Variants in CCSER1 observed in about 807,000 individuals in gnomAD.
CCSER1 encodes coiled-coil serine rich protein 1, also known as serine-rich coiled-coil domain-containing protein 1.
A neutral mutation model predicts 82.0 loss-of-function variants in CCSER1; 41 were observed. That is an observed-to-expected ratio of 0.50 (90% CI 0.39 to 0.65). The LOEUF (loss-of-function observed/expected upper bound fraction) is 0.65. Ranked by LOEUF, CCSER1 falls within the 30% of genes least tolerant of loss-of-function variation. The pLI, the probability that CCSER1 is intolerant of heterozygous loss-of-function variation, is 0.00. For missense variants in CCSER1, 1,119 were observed against 1,064.2 expected (o/e 1.05, Z -0.72); for synonymous variants, 414 against 383.9 (o/e 1.08, Z -0.92).
chr4:90,733,164 C>G (rs1745050083), intron 7 of CCSER1, among the ~76,000 whole-genome samples: 1 of 152,160 alleles, frequency 6.6e-6, no homozygotes, highest in Non-Finnish European at 1.5e-5. Flanking sequence ...TATGAAGGTT[C>G]CCTTCTCTTC....
chr4:90,425,852 T>C (rs376654959), intron 4 of CCSER1, among the ~76,000 whole-genome samples: 3 of 152,170 alleles, frequency 2.0e-5, no homozygotes, highest in African/African-American at 7.2e-5. Context: ...GAAGATTTAC[T>C]GTAGGCCCTA....
At chr4:90,429,675 A>T (rs906529735) in intron 4 of CCSER1, among the ~76,000 whole-genome samples, 2 of 151,844 alleles carry the variant, frequency 1.3e-5, no homozygotes, top group African/African-American at 2.4e-5. Context: ...AAGTGACATA[A>T]GCAGACAAAG....
intron 9 of CCSER1, among the ~76,000 whole-genome samples, chr4:91,047,928 A>C (rs1187035777): frequency 6.6e-6 from 1 of 152,242 alleles, no homozygotes; most frequent in South Asian, 2.1e-4. Flanking sequence ...AGCAATAAAC[A>C]TGTATGTGTT....
At chr4:90,230,165 T>C (rs960447957) in intron 1 of CCSER1, among the ~76,000 whole-genome samples, 2 of 152,168 alleles carry the variant, frequency 1.3e-5, no homozygotes, top group African/African-American at 4.8e-5. Context: ...CAACAGAATA[T>C]ACATTTTTTT....
chr4:90,502,959 G>A (rs75999037), intron 5 of CCSER1, among the ~76,000 whole-genome samples: 2 of 152,088 alleles, frequency 1.3e-5, no homozygotes, highest in Non-Finnish European at 1.5e-5. Context: ...TGCACAAGAT[G>A]ACTTCGGAGA....
At chr4:91,279,484 T>C (rs1312635396) in intron 10 of CCSER1, among the ~76,000 whole-genome samples, 1 of 151,834 alleles carries the variant, frequency 6.6e-6, no homozygotes, top group African/African-American at 2.4e-5. Flanking sequence ...TCAAAAGAAC[T>C]GTCTTCAAGT....
At chr4:91,355,072 T>G (rs1205855541) in intron 10 of CCSER1, among the ~76,000 whole-genome samples, 2 of 152,200 alleles carry the variant, frequency 1.3e-5, no homozygotes, top group South Asian at 2.1e-4. Context: ...CTCCCACTCA[T>G]GCAGGAGGGG....
At chr4:91,462,687 G>A (rs1043714847) in intron 10 of CCSER1, among the ~76,000 whole-genome samples, 4 of 152,182 alleles carry the variant, frequency 2.6e-5, no homozygotes, top group Middle Eastern at 3.2e-3. Flanking sequence ...AATGGTCTTA[G>A]CAAATGGCAC....
intron 10 of CCSER1, among the ~76,000 whole-genome samples, chr4:91,488,295 A>G (rs1402255266): frequency 2.6e-5 from 4 of 152,200 alleles, no homozygotes; most frequent in Non-Finnish European, 5.9e-5. Flanking sequence ...ATTTTTTAAA[A>G]TCAATTTCAA....
chr4:90,417,232 T>A (rs551024272), intron 4 of CCSER1, among the ~76,000 whole-genome samples: 11 of 152,182 alleles, frequency 7.2e-5, no homozygotes, highest in African/African-American at 2.4e-4. Flanking sequence ...AAAAAAAATT[T>A]AAAAAAACCA....
chr4:90,289,451 G>C (rs1696993025), intron 1 of CCSER1, among the ~76,000 whole-genome samples: 1 of 151,760 alleles, frequency 6.6e-6, no homozygotes, highest in Non-Finnish European at 1.5e-5. Context: ...TCTGTATAAA[G>C]TACACTTGAT....
At chr4:90,329,348 G>A (rs190527789) in intron 3 of CCSER1, among the ~76,000 whole-genome samples, 5 of 152,186 alleles carry the variant, frequency 3.3e-5, no homozygotes, top group Admixed American at 6.5e-5. Flanking sequence ...TATGTGAAAA[G>A]GCTTTGTAAG....
rs71596536 is a variant in CCSER1, at chr4:90,905,358, C to CTACACACACACA, written c.2095-18012_2095-18011insTACACACACACA. On this transcript the variant is annotated intron_variant, in intron 8 of 10. Transcript: ENST00000509176. ...CCTTGCTCACTACGTTCTAGTCACA[C>CTACACACACACA]CACACACACACACACACACACACAC... Among the ~76,000 whole-genome samples, 832 of 150,444 alleles carry CTACACACACACA rather than the reference C, an allele frequency of 5.5e-3. 5 individuals carry two copies. The highest frequency in any genetic ancestry group is 0.019 in the African/African-American group (786 of 41,038).
chr4:90,509,867 GA>G (rs1194931364), intron 5 of CCSER1, among the ~76,000 whole-genome samples: 5 of 152,082 alleles, frequency 3.3e-5, no homozygotes, highest in Non-Finnish European at 4.4e-5. Flanking sequence ...TTTGGGTTAT[GA>G]ATATTAACAT....
chr4:91,107,639 CTTTTTT>C (rs55901052), intron 10 of CCSER1, among the ~76,000 whole-genome samples: 2 of 136,322 alleles, frequency 1.5e-5, no homozygotes, highest in African/African-American at 2.7e-5. Context: ...TTCTTTTTCT[CTTTTTT>C]TTTTTTTTTT....
intron 10 of CCSER1, among the ~76,000 whole-genome samples, chr4:91,550,541 A>T (rs1762113165): frequency 6.6e-6 from 1 of 152,138 alleles, no homozygotes; most frequent in Non-Finnish European, 1.5e-5. Context: ...AGAGTTGTTG[A>T]TTTGTTCAGC....
chr4:90,920,687 G>A (rs993249809), intron 8 of CCSER1, among the ~76,000 whole-genome samples: 3 of 151,666 alleles, frequency 2.0e-5, no homozygotes, highest in African/African-American at 7.3e-5. Flanking sequence ...GGCTCTCTCC[G>A]TGGTAACTGT....
intron 1 of CCSER1, among the ~76,000 whole-genome samples, chr4:90,157,305 C>T (rs1018793831): frequency 1.3e-5 from 2 of 152,150 alleles, no homozygotes; most frequent in South Asian, 2.1e-4. Flanking sequence ...CTGCCCTTAA[C>T]ATTTTTTCCT....
intron 3 of CCSER1, among the ~76,000 whole-genome samples, chr4:90,341,067 T>C (rs1330663480): frequency 6.6e-6 from 1 of 152,118 alleles, no homozygotes. Flanking sequence ...GTGGGAGAAA[T>C]TGAAATTATT....
Sources: gnomAD v4.1 joint callset for allele counts (sites outside exome capture counted in the v4.1 genomes callset) on GRCh38, gnomAD v4.1.1 for gene constraint, MANE v1.5 for transcripts, NCBI Gene and HGNC (gene_info 2026-07-23, HGNC 2026-07-21) for gene names.